CAMTA1: variants seen among roughly 807,000 people sequenced by gnomAD.
The protein encoded by CAMTA1 is calmodulin binding transcription activator 1, also known as calmodulin-binding transcription activator 1.
Under a neutral mutation model 170.9 loss-of-function variants are expected in CAMTA1, and 27 were observed. The observed-to-expected ratio is 0.16, with a 90% CI of 0.12 to 0.22. The LOEUF (loss-of-function observed/expected upper bound fraction) is 0.22. Among genes scored for constraint, CAMTA1 ranks in the 10% least tolerant of loss-of-function variants. CAMTA1 has a pLI of 1.00. For synonymous variants in CAMTA1, 833 were observed against 891.5 expected, an observed-to-expected ratio of 0.93 and a Z score of 1.17; for missense variants, 1,619 against 2,217.2, an observed-to-expected ratio of 0.73 and a Z score of 5.42.
intron 6 of CAMTA1, among the ~76,000 whole-genome samples, chr1:7,536,607 G>C (rs1462709839): frequency 6.6e-6 from 1 of 152,128 alleles, no homozygotes; most frequent in Non-Finnish European, 1.5e-5. Context: ...GACCGGGCAG[G>C]GCTGCTGGGG....
chr1:7,486,685 T>A (rs11808987), intron 6 of CAMTA1, among the ~76,000 whole-genome samples: 1,808 of 152,318 alleles, frequency 0.012, 38 homozygotes, highest in African/African-American at 0.041. Flanking sequence ...CTGTCCTGTG[T>A]CCGGGATGAC....
At chr1:7,147,436 A>C (rs960997135) in intron 4 of CAMTA1, among the ~76,000 whole-genome samples, 4 of 151,774 alleles carry the variant, frequency 2.6e-5, no homozygotes, top group African/African-American at 9.7e-5. Context: ...AAAAAAAAAA[A>C]AAACACCCCA....
intron 3 of CAMTA1, among the ~76,000 whole-genome samples, chr1:6,877,726 G>T (rs576713002): frequency 1.3e-5 from 2 of 152,160 alleles, no homozygotes; most frequent in African/African-American, 2.4e-5. Context: ...TTCAGGTTTG[G>T]ATATCCAGCC....
chr1:7,188,763 A>G (rs1443775031), intron 4 of CAMTA1, among the ~76,000 whole-genome samples: 1 of 152,226 alleles, frequency 6.6e-6, no homozygotes, highest in Admixed American at 6.5e-5. Context: ...CAATCCTGCT[A>G]TGAACATAGG....
chr1:6,998,711 G>A (rs949677684), intron 3 of CAMTA1, among the ~76,000 whole-genome samples: 5 of 152,230 alleles, frequency 3.3e-5, no homozygotes, highest in Admixed American at 3.3e-4. Context: ...GCATCTTGCT[G>A]TGGCGTCTGA....
At chr1:7,226,417 A>G (rs904956847) in intron 4 of CAMTA1, among the ~76,000 whole-genome samples, 6 of 152,176 alleles carry the variant, frequency 3.9e-5, no homozygotes, top group Admixed American at 2.0e-4. Context: ...TGCTGAGTTC[A>G]TGCTGTAATC....
chr1:6,807,263 T>G (rs995231151), intron 1 of CAMTA1, among the ~76,000 whole-genome samples: 1 of 152,240 alleles, frequency 6.6e-6, no homozygotes, highest in Non-Finnish European at 1.5e-5. Context: ...ATATCCTGTT[T>G]ATCACTTTTG....
At position 7,592,259 on chromosome 1, in the gene CAMTA1, G is replaced by A. The variant is rs1041746476; in HGVS notation, c.511-48141G>A. ...CTTTGAAGGCCCCTTCCCCAACCAC[G>A]CCCATCACTGTCCTTGCCATCACTG... On this transcript the variant is annotated intron_variant, in intron 6 of 22. Coordinates refer to ENST00000303635, the MANE Select transcript of CAMTA1 (RefSeq NM_015215.4). The surrounding 1 kb of genome is among the most constrained non-coding windows in gnomAD (Gnocchi z 4.6). Among the ~76,000 whole-genome samples, 2 of 151,978 alleles carry A rather than the reference G, an allele frequency of 1.3e-5. No homozygotes were observed. The highest frequency in any genetic ancestry group is 2.1e-4 in the South Asian group (1 of 4,814).
Position 7,554,159 on chromosome 1 carries a change from G to A in CAMTA1, c.511-86241G>A, listed in dbSNP as rs147369806. ...TAAAGGAAGGCAGGAGTCATTCCCGGGTTCGTTTCATTACATGGAAGAAGA... is the reference window on the plus strand; with the variant it reads ...TAAAGGAAGGCAGGAGTCATTCCCGAGTTCGTTTCATTACATGGAAGAAGA... On this transcript the variant is annotated intron_variant, in intron 6 of 22. Transcript: ENST00000303635. 1.4e-4 allele frequency among the ~76,000 whole-genome samples: 22 copies of A among 152,260 alleles called. No individual in the cohort carries two copies. In the East Asian group the frequency reaches 4.3e-3, roughly 29 times the overall value.
At chr1:7,129,799 C>T (rs1386287481) in intron 4 of CAMTA1, among the ~76,000 whole-genome samples, 5 of 152,182 alleles carry the variant, frequency 3.3e-5, no homozygotes, top group Non-Finnish European at 5.9e-5. Context: ...TCCCTTCTGT[C>T]CCTCTCCCAT....
At chr1:7,109,599 G>A (rs1389629650) in intron 4 of CAMTA1, among the ~76,000 whole-genome samples, 1 of 152,154 alleles carries the variant, frequency 6.6e-6, no homozygotes, top group Non-Finnish European at 1.5e-5. Flanking sequence ...AGACAGACAC[G>A]ACTCATTGAT....
intron 3 of CAMTA1, among the ~76,000 whole-genome samples, chr1:6,870,235 G>T (rs956902927): frequency 6.6e-6 from 1 of 152,000 alleles, no homozygotes; most frequent in Non-Finnish European, 1.5e-5. Context: ...CTTCTGCAGT[G>T]TTCAAAATTA....
intron 11 of CAMTA1, among the ~76,000 whole-genome samples, chr1:7,703,255 C>T (rs939783852): frequency 3.3e-5 from 5 of 151,306 alleles, no homozygotes; most frequent in African/African-American, 4.9e-5. Flanking sequence ...GGAGGAGTTG[C>T]ATAGCAAAGG....
chr1:6,800,620 A>C (rs1570097658), intron 1 of CAMTA1, among the ~76,000 whole-genome samples: 1 of 152,172 alleles, frequency 6.6e-6, no homozygotes, highest in Admixed American at 6.6e-5. Flanking sequence ...ATTTATATTC[A>C]TTTAGTTGTA....
chr1:7,003,786 G>A (rs1698586052), intron 3 of CAMTA1, among the ~76,000 whole-genome samples: 1 of 152,186 alleles, frequency 6.6e-6, no homozygotes, highest in Admixed American at 6.5e-5. Flanking sequence ...CATAGGCCAG[G>A]GATGAGAATA....
rs142992333 is a variant in CAMTA1, at chr1:7,318,078, C to T, written c.438+68452C>T. Among the ~76,000 whole-genome samples the T allele has an allele frequency of 3.3e-3, 495 of 152,252 alleles. 5 individuals carry two copies. Among genetic ancestry groups the T allele is most frequent in the African/African-American group, 0.011 (464 of 41,542 alleles). Reference sequence around the variant, plus strand: ...AAAGAAAGGGGGTGGGGGAAGATGACGGCAAGGCTGACGTCAGGGCCCAGT... The same window carrying T: ...AAAGAAAGGGGGTGGGGGAAGATGATGGCAAGGCTGACGTCAGGGCCCAGT... On this transcript the variant is annotated intron_variant, in intron 5 of 22. Coordinates refer to ENST00000303635, the MANE Select transcript of CAMTA1 (RefSeq NM_015215.4).
chr1:7,418,742 T>C (rs1295406019), intron 5 of CAMTA1, among the ~76,000 whole-genome samples: 1 of 152,212 alleles, frequency 6.6e-6, no homozygotes, highest in Non-Finnish European at 1.5e-5. Flanking sequence ...CCCATCTTGG[T>C]CAGCGGCAAC....
intron 4 of CAMTA1, among the ~76,000 whole-genome samples, chr1:7,206,364 A>C (rs566175127): frequency 1.3e-5 from 2 of 152,202 alleles, no homozygotes; most frequent in Admixed American, 1.3e-4. Context: ...AGGTTTTCTC[A>C]TGGAGGTTTT....
chr1:6,947,956 C>G (rs1687842645), intron 3 of CAMTA1, among the ~76,000 whole-genome samples: 1 of 152,140 alleles, frequency 6.6e-6, no homozygotes, highest in Non-Finnish European at 1.5e-5. Flanking sequence ...ACAAGATCAT[C>G]TCATCTGTGA....
Sources: allele counts gnomAD v4.1 joint callset (sites outside exome capture counted in the v4.1 genomes callset), GRCh38; gene constraint gnomAD v4.1.1; non-coding constraint Gnocchi (gnomAD v3.1); transcripts MANE v1.5; gene names NCBI Gene and HGNC (gene_info 2026-07-23, HGNC 2026-07-21).